RNGTT: variants seen among roughly 807,000 people sequenced by gnomAD.
RNGTT encodes the protein RNA guanylyltransferase and 5'-phosphatase.
RNGTT carries 33 observed loss-of-function variants against 79.3 expected under a neutral mutation model. That is an observed-to-expected ratio of 0.42 (90% CI 0.32 to 0.56). RNGTT has a LOEUF of 0.56. Among genes scored for constraint, RNGTT ranks in the 20% least tolerant of loss-of-function variants. RNGTT has a pLI of 0.17. For synonymous variants in RNGTT, 222 were observed against 235.9 expected (o/e 0.94, Z 0.54); for missense variants, 497 against 739.1 (o/e 0.67, Z 3.80).
intron 12 of RNGTT, among the ~76,000 whole-genome samples, chr6:88,791,323 G>C (rs1406488988): frequency 6.6e-6 from 1 of 151,522 alleles, no homozygotes; most frequent in Non-Finnish European, 1.5e-5. Flanking sequence ...ATTCTTTATA[G>C]AGATGGGGTC....
At chr6:88,833,258 G>A (rs1388971671) in intron 11 of RNGTT, among the ~76,000 whole-genome samples, 1 of 152,168 alleles carries the variant, frequency 6.6e-6, no homozygotes, top group African/African-American at 2.4e-5. Flanking sequence ...AAAAGGATGA[G>A]TTCATGTCCT....
intron 12 of RNGTT, among the ~76,000 whole-genome samples, chr6:88,780,942 C>T (rs1475902105): frequency 1.3e-5 from 2 of 152,084 alleles, no homozygotes; most frequent in East Asian, 1.9e-4. Context: ...TTTGGCAATG[C>T]GTGGAGACAT....
At chr6:88,697,972 A>G (rs1330604327) in intron 13 of RNGTT, among the ~76,000 whole-genome samples, 1 of 93,464 alleles carries the variant, frequency 1.1e-5, no homozygotes, top group Non-Finnish European at 1.8e-5. Context: ...TATATGAAAT[A>G]CATATATATG....
chr6:88,698,180 TATATATATGAA>T (rs1775782330), intron 13 of RNGTT, among the ~76,000 whole-genome samples: 1 of 111,730 alleles, frequency 9.0e-6, no homozygotes, highest in Non-Finnish European at 1.7e-5. Context: ...ATATATATGA[TATATATATGAA>T]ATATATATGA....
At chr6:88,815,184 G>A (rs920401839) in intron 11 of RNGTT, among the ~76,000 whole-genome samples, 1 of 152,156 alleles carries the variant, frequency 6.6e-6, no homozygotes, top group Non-Finnish European at 1.5e-5. Flanking sequence ...GACAGTATGT[G>A]AACAAAATCC....
At chr6:88,748,637 G>T (rs1562232141) in intron 13 of RNGTT, among the ~76,000 whole-genome samples, 2 of 152,024 alleles carry the variant, frequency 1.3e-5, no homozygotes, top group African/African-American at 4.8e-5. Flanking sequence ...TAAATAAAAT[G>T]TAAGTTCCAT....
At chr6:88,938,915 T>C (rs1382507375) in intron 2 of RNGTT, among the ~76,000 whole-genome samples, 3 of 152,188 alleles carry the variant, frequency 2.0e-5, no homozygotes, top group Non-Finnish European at 4.4e-5. Flanking sequence ...GTGGTAGGCG[T>C]TTTCTTTCAG....
At chr6:88,825,922 C>T (rs1391149231) in intron 11 of RNGTT, among the ~76,000 whole-genome samples, 1 of 152,230 alleles carries the variant, frequency 6.6e-6, no homozygotes, top group East Asian at 1.9e-4. Context: ...AATGGTAGAA[C>T]ACAAACAAAT....
chr6:88,751,646 GT>G (rs1446162278), intron 13 of RNGTT, among the ~76,000 whole-genome samples: 1 of 151,934 alleles, frequency 6.6e-6, no homozygotes, highest in Non-Finnish European at 1.5e-5. Flanking sequence ...TTGGTAAGAG[GT>G]TTCTATTGAA....
At chr6:88,836,019 CACACAT>C (rs1451012608) in intron 11 of RNGTT, among the ~76,000 whole-genome samples, 2,508 of 114,394 alleles carry the variant, frequency 0.022, 47 homozygotes, top group Non-Finnish European at 0.031. Flanking sequence ...CACACACACA[CACACAT>C]ATATATATAA....
chr6:88,817,617 C>A (rs1025285304), intron 11 of RNGTT, among the ~76,000 whole-genome samples: 4 of 151,558 alleles, frequency 2.6e-5, no homozygotes, highest in Non-Finnish European at 5.9e-5. Flanking sequence ...TAATAAACCA[C>A]TCTGAACTAT....
chr6:88,647,045 GTAAA>G (rs59136205), intron 14 of RNGTT, among the ~76,000 whole-genome samples: 39,962 of 151,536 alleles, frequency 0.26, 9,204 homozygotes, highest in African/African-American at 0.63. Context: ...TGAAAATAAA[GTAAA>G]TAAATAAATA....
chr6:88,658,058 C>T (rs1052076334), intron 14 of RNGTT, among the ~76,000 whole-genome samples: 5 of 152,166 alleles, frequency 3.3e-5, no homozygotes, highest in Non-Finnish European at 7.3e-5. Context: ...CTTATCCTGG[C>T]CAATGTAGGG....
In RNGTT at chr6:88,640,605, G is replaced by A. The variant is rs16880979; in HGVS notation, c.1507-26210C>T. ...AGCAACAAAAATAACTGGATCTGAG[G>A]TGATGTTGAAATTGTCAATTTAACT... On this transcript the variant is annotated intron_variant, in intron 14 of 15. Coordinates refer to ENST00000369485, the MANE Select transcript of RNGTT (RefSeq NM_003800.5). Among the ~76,000 whole-genome samples, 264 of 151,640 alleles carry A rather than the reference G, an allele frequency of 1.7e-3. 1 individual carries two copies. The highest frequency in any genetic ancestry group is 6.8e-3 in the Middle Eastern group (2 of 292).
intron 13 of RNGTT, among the ~76,000 whole-genome samples, chr6:88,694,592 A>T (rs1192048187): frequency 6.6e-6 from 1 of 152,174 alleles, no homozygotes; most frequent in African/African-American, 2.4e-5. Context: ...AGAAAAAAAA[A>T]TTCTAAAATT....
intron 11 of RNGTT, among the ~76,000 whole-genome samples, chr6:88,815,859 C>G (rs1319198220): frequency 3.3e-5 from 5 of 152,146 alleles, no homozygotes; most frequent in Non-Finnish European, 7.4e-5. Context: ...TAGCTGTAAA[C>G]TAAACATGTT....
chr6:88,662,021 T>A (rs1245492099), intron 14 of RNGTT, among the ~76,000 whole-genome samples: 1 of 152,130 alleles, frequency 6.6e-6, no homozygotes. Context: ...CATATGCAAG[T>A]TAATAAATGT....
chr6:88,710,497 C>A (rs7759650), intron 13 of RNGTT, among the ~76,000 whole-genome samples: 1 of 151,990 alleles, frequency 6.6e-6, no homozygotes, highest in Non-Finnish European at 1.5e-5. Context: ...TAGATTTTAA[C>A]TGTCCTTCAG....
At chr6:88,875,751 G>C (rs766036929) in intron 8 of RNGTT, among the ~76,000 whole-genome samples, 1 of 152,124 alleles carries the variant, frequency 6.6e-6, no homozygotes, top group African/African-American at 2.4e-5. Context: ...TATAACTGTT[G>C]CTATAGCCAA....
Sources: allele counts gnomAD v4.1 joint callset (sites outside exome capture counted in the v4.1 genomes callset), GRCh38; gene constraint gnomAD v4.1.1; transcripts MANE v1.5; gene names NCBI Gene and HGNC (gene_info 2026-07-23, HGNC 2026-07-21).